Variants in ZNF562 observed in about 807,000 individuals in gnomAD.
The protein encoded by ZNF562 is zinc finger protein 562.
Under a neutral mutation model 17.5 loss-of-function variants are expected in ZNF562, and 13 were observed. The observed-to-expected ratio is 0.74, with a 90% CI of 0.48 to 1.18. The LOEUF is 1.18. Among genes scored for constraint, ZNF562 ranks in the 50% most tolerant of loss-of-function variants. The probability of loss-of-function intolerance (pLI) is 0.00; values close to 1 mark genes in which losing one functional copy is unlikely to be tolerated. For missense variants in ZNF562, 481 were observed against 498.5 expected, an observed-to-expected ratio of 0.96 and a Z score of 0.33; for synonymous variants, 163 against 165.4, an observed-to-expected ratio of 0.99 and a Z score of 0.11.
intron 1 of ZNF562, among the ~76,000 whole-genome samples, chr19:9,673,443 G>T (rs187545333): frequency 1.0e-3 from 156 of 151,972 alleles, no homozygotes; most frequent in South Asian, 3.7e-3. Flanking sequence ...GATTACAGGG[G>T]CCCACCACCA....
intron 1 of ZNF562, among the ~76,000 whole-genome samples, chr19:9,668,921 A>T (rs555147313): frequency 6.6e-6 from 1 of 152,144 alleles, no homozygotes. Context: ...AACCATATGC[A>T]GAATAAAACT....
chr19:9,669,171 G>C (rs1352307514), intron 1 of ZNF562, among the ~76,000 whole-genome samples: 1 of 152,062 alleles, frequency 6.6e-6, no homozygotes, highest in Non-Finnish European at 1.5e-5. Flanking sequence ...ACAAAGTGAA[G>C]AAACAATCTA....
chr19:9,661,412 A>G (rs1170683307), intron 1 of ZNF562, among the ~76,000 whole-genome samples: 1 of 152,080 alleles, frequency 6.6e-6, no homozygotes, highest in East Asian at 1.9e-4. Flanking sequence ...TCTGCCTCCC[A>G]GGTTCAAGTG....
chr19:9,658,981 C>A (rs1331841129), intron 3 of ZNF562, among the ~76,000 whole-genome samples: 1 of 152,162 alleles, frequency 6.6e-6, no homozygotes, highest in Non-Finnish European at 1.5e-5. Flanking sequence ...CACAAACAGG[C>A]TAGGAGCTCT....
intron 1 of ZNF562, among the ~76,000 whole-genome samples, chr19:9,667,715 C>T (rs906737035): frequency 6.6e-6 from 1 of 151,974 alleles, no homozygotes; most frequent in African/African-American, 2.4e-5. Context: ...CTCAGCCTCC[C>T]GAGTAGCTAG....
chr19:9,671,527 A>T (rs1347438393), intron 1 of ZNF562, among the ~76,000 whole-genome samples: 1 of 152,242 alleles, frequency 6.6e-6, no homozygotes, highest in Non-Finnish European at 1.5e-5. Context: ...TACCATCCAT[A>T]GACCTCTTGA....
chr19:9,655,766 C>T (rs1157539376), intron 5 of ZNF562, among the ~76,000 whole-genome samples: 2 of 102,336 alleles, frequency 2.0e-5, no homozygotes, highest in African/African-American at 7.9e-5. Context: ...TGGAGTCTCA[C>T]TTGGTCATCT....
chr19:9,654,405 A>C (rs2043382221), intron 5 of ZNF562, among the ~76,000 whole-genome samples: 2 of 152,144 alleles, frequency 1.3e-5, no homozygotes, highest in Non-Finnish European at 2.9e-5. Context: ...TGATCACCCT[A>C]GCTAAAAGCT....
chr19:9,669,780 A>G (rs2044114232), intron 1 of ZNF562, among the ~76,000 whole-genome samples: 2 of 150,468 alleles, frequency 1.3e-5, no homozygotes, highest in African/African-American at 2.4e-5. Flanking sequence ...ACACACAACC[A>G]GTCAGGGACA....
intron 5 of ZNF562, among the ~76,000 whole-genome samples, chr19:9,655,717 CTTTTTTTTTTTTTTTTTTTTTTT>C (rs58199071): frequency 1.1e-3 from 55 of 48,696 alleles, no homozygotes; most frequent in African/African-American, 3.9e-3. Context: ...TCTTTTCTTT[CTTTTTTTTTTTTTTTTTTTTTTT>C]TTTTTTTTTT....
intron 1 of ZNF562, among the ~76,000 whole-genome samples, chr19:9,672,094 G>C (rs1029365185): frequency 2.0e-5 from 3 of 152,156 alleles, no homozygotes; most frequent in African/African-American, 4.8e-5. Context: ...GACTTTCTAA[G>C]AGAATGAGTG....
intron 1 of ZNF562, among the ~76,000 whole-genome samples, chr19:9,662,548 C>T (rs981555499): frequency 4.1e-5 from 6 of 148,120 alleles, no homozygotes; most frequent in African/African-American, 1.3e-4. Flanking sequence ...GGTGACAGAG[C>T]GAGACTCCAT....
Position 9,653,242 on chromosome 19 carries a change from G to A in ZNF562, c.988C>T (p.His330Tyr), listed in dbSNP as rs765877766. ...ECGKAFTRST[H>Y]LTQHVRTHTG... ...TGAGTTCTTACATGTTGAGTAAGGT[G>A]AGTTGATCTAGTGAAGGCTTTCCCA... The change falls in exon 6 of 6, where the codon CAC (histidine) becomes TAC (tyrosine). Residue 330 changes from histidine (H) to tyrosine (Y), a missense_variant. Physicochemically the swap from His to Tyr is moderately conservative, Grantham distance 83. Around this residue, in one of 2 missense-constraint regions of ZNF562, gnomAD observed 403 missense variants for 386.4 expected, o/e 1.04. Transcript: ENST00000453372. 1 of 1,614,128 alleles carries A rather than the reference G, an allele frequency of 6.2e-7. No individual in the cohort carries two copies. The highest frequency in any genetic ancestry group is 8.5e-7 in the Non-Finnish European group (1 of 1,180,016).
intron 4 of ZNF562, 28 bp downstream of exon 4, chr19:9,657,981 A>C (rs1469776500): frequency 6.2e-7 from 1 of 1,600,272 alleles, no homozygotes; most frequent in Admixed American, 1.7e-5. Flanking sequence ...GCAGGCCACC[A>C]TGCCAAGCAA....
In ZNF562 at chr19:9,653,073, G is replaced by A. The variant is rs570871699; in HGVS notation, c.1157C>T (p.Thr386Met). ...GTGAATTCTTCTATGTTGAGTAAGC[G>A]TTGAAGATCTATTGAAGGCTTTCCC... Reference protein sequence around the residue: ...ECGKAFNRSSTLTQHRRIHTG... With the variant: ...ECGKAFNRSSMLTQHRRIHTG... Residue 386 changes from threonine (T) to methionine (M), a missense_variant, in exon 6 of 6, where the codon ACG (threonine) becomes ATG (methionine). Physicochemically the swap from Thr to Met is moderately conservative, Grantham distance 81. Coordinates refer to ENST00000453372, the MANE Select transcript of ZNF562 (RefSeq NM_001130031.2). The A allele has an allele frequency of 7.8e-5, 125 of 1,608,100 alleles. No individual in the cohort carries two copies. The highest frequency in any genetic ancestry group is 5.0e-4 in the Middle Eastern group (3 of 6,020).
chr19:9,655,322 T>C (rs954289930), intron 5 of ZNF562, among the ~76,000 whole-genome samples: 5 of 152,066 alleles, frequency 3.3e-5, no homozygotes, highest in African/African-American at 1.2e-4. Flanking sequence ...CTTTAAATCC[T>C]CAATGTCTAG....
rs1246256106 is a variant in ZNF562, at chr19:9,665,238, C to G, written c.-130-4364G>C. Among the ~76,000 whole-genome samples the G allele has an allele frequency of 2.8e-5, 4 of 141,598 alleles. No individual in the cohort carries two copies. The South Asian group carries it at 8.7e-4, about 31-fold the overall frequency. 92.9% of individuals were successfully genotyped at this position (141,598 alleles called of 152,430 possible). ...TCTGTCTAAAAAAAAAAAAAAAAAG[C>G]AGTTTCTGTGGCTACAACGAAGTGA... On this transcript the variant is annotated intron_variant, in intron 1 of 5. Transcript: ENST00000453372.
In ZNF562 at chr19:9,666,085, G is replaced by A. The variant is rs913210100; in HGVS notation, c.-130-5211C>T. ...CATGCCTGTAATCCCAACACTTTGG[G>A]AGGCCGAGGTGGGTGGATCTTCTGA... On this transcript the variant is annotated intron_variant, in intron 1 of 5. Transcript: ENST00000453372. 5.9e-5 allele frequency among the ~76,000 whole-genome samples: 9 copies of A among 151,976 alleles called. No homozygotes were observed. In the South Asian group the frequency reaches 1.9e-3, roughly 32 times the overall value.
At position 9,643,380 on chromosome 19, in the gene ZNF562, A is replaced by T. The variant is rs2074785704; in HGVS notation, c.*9569T>A. The T allele has an allele frequency of 6.6e-6, 1 of 152,058 alleles. No individual in the cohort carries two copies. Among genetic ancestry groups the T allele is most frequent in the South Asian group, 2.1e-4 (1 of 4,822 alleles). The allele number at this position is 152,058 out of a possible 1,614,324, so 9.4% of individuals were successfully genotyped here. A position where few individuals can be genotyped will look rare whatever the true frequency, so the allele number is the denominator to read the frequency against. ...CATAAATAAATAAGTTTAGAAAAAA[A>T]AAATGTGTCTGAAAGGGTCTTGAGC... On this transcript the variant is annotated 3_prime_UTR_variant, in exon 6 of 6. Coordinates refer to ENST00000453372, the MANE Select transcript of ZNF562 (RefSeq NM_001130031.2).
Sources: gnomAD v4.1 joint callset for allele counts (sites outside exome capture counted in the v4.1 genomes callset) on GRCh38, gnomAD v4.1.1 for gene constraint, gnomAD v4.1.1 regional missense constraint, MANE v1.5 for transcripts, NCBI Gene and HGNC (gene_info 2026-07-23, HGNC 2026-07-21) for gene names.